The following CSMD1 variants were observed in gnomAD, a reference collection of about 807,000 sequenced individuals.
CSMD1 encodes CUB and sushi domain-containing protein 1.
Under a neutral mutation model 417.5 loss-of-function variants are expected in CSMD1, and 213 were observed. The observed-to-expected ratio is 0.51, with a 90% CI of 0.46 to 0.57. CSMD1 has a LOEUF of 0.57. Among genes scored for constraint, CSMD1 ranks in the 20% least tolerant of loss-of-function variants. The pLI, the probability that CSMD1 is intolerant of heterozygous loss-of-function variation, is 0.00. For missense variants in CSMD1, 6,923 were observed against 4,529.7 expected (o/e 1.53, Z -15.17); for synonymous variants, 2,862 against 1,736.8 (o/e 1.65, Z -16.11).
intron 26 of CSMD1, among the ~76,000 whole-genome samples, chr8:3,262,612 T>C (rs1368232667): frequency 6.6e-6 from 1 of 151,960 alleles, no homozygotes; most frequent in African/African-American, 2.4e-5. Context: ...TGAAAGATTA[T>C]AGTCAGTGGA....
chr8:2,954,553 T>C (rs946424818), intron 64 of CSMD1, among the ~76,000 whole-genome samples: 3 of 152,162 alleles, frequency 2.0e-5, no homozygotes, highest in Non-Finnish European at 2.9e-5. Context: ...GTGCCTTCTA[T>C]GACATTTCTT....
At chr8:4,834,076 ACTCCTAGAGATATT>A (rs1800314721) in intron 1 of CSMD1, among the ~76,000 whole-genome samples, 1 of 152,154 alleles carries the variant, frequency 6.6e-6, no homozygotes, top group East Asian at 1.9e-4. Context: ...TTACTATTGG[ACTCCTAGAGATATT>A]CAAATGAATT....
rs117636369 is a variant in CSMD1, at chr8:4,080,326, G to C, written c.416-48227C>G. 3.9e-3 allele frequency among the ~76,000 whole-genome samples: 601 copies of C among 152,242 alleles called. 14 individuals carry two copies. The East Asian group carries it at 0.06, about 15-fold the overall frequency. On this transcript the variant is annotated intron_variant, in intron 3 of 69. Coordinates refer to ENST00000635120, the MANE Select transcript of CSMD1 (RefSeq NM_033225.6). ...CTAAGAGTAAGGCACGATCTTACCC[G>C]TGAGTACTTCACAAGTGAAAGGTGA...
chr8:3,376,058 G>A (rs1585073702), intron 18 of CSMD1, among the ~76,000 whole-genome samples: 1 of 151,994 alleles, frequency 6.6e-6, no homozygotes, highest in East Asian at 1.9e-4. Flanking sequence ...ACTTCATTGT[G>A]TGATTTTTAA....
intron 1 of CSMD1, among the ~76,000 whole-genome samples, chr8:4,820,453 G>T (rs1336145547): frequency 6.6e-6 from 1 of 152,122 alleles, no homozygotes; most frequent in African/African-American, 2.4e-5. Context: ...TTTCTGCACT[G>T]GTTTTCCTGT....
chr8:4,225,503 CTTTTTTT>C (rs11356680), intron 3 of CSMD1, among the ~76,000 whole-genome samples: 1 of 141,738 alleles, frequency 7.1e-6, no homozygotes, highest in Non-Finnish European at 1.5e-5. Context: ...CAACTCATCA[CTTTTTTT>C]TTTTTTTTTA....
Position 4,298,681 on chromosome 8 carries a change from T to A in CSMD1, c.415+121272A>T, listed in dbSNP as rs1427939556. Among the ~76,000 whole-genome samples, 4 of 152,128 alleles carry A rather than the reference T, an allele frequency of 2.6e-5. No individual in the cohort carries two copies. The South Asian group carries it at 6.2e-4, about 24-fold the overall frequency. On this transcript the variant is annotated intron_variant, in intron 3 of 69. Coordinates refer to ENST00000635120, the MANE Select transcript of CSMD1 (RefSeq NM_033225.6). Reference sequence around the variant, plus strand: ...TTCTAAGAAGTTATTTCATTTTCATTTACATCTTCAGGCTACTCTGATACT... The same window carrying A: ...TTCTAAGAAGTTATTTCATTTTCATATACATCTTCAGGCTACTCTGATACT...
At chr8:4,024,542 G>C (rs566612713) in intron 4 of CSMD1, among the ~76,000 whole-genome samples, 25 of 152,178 alleles carry the variant, frequency 1.6e-4, no homozygotes, top group Admixed American at 3.3e-4. Flanking sequence ...CAGAGGTCAA[G>C]TCAATTTGAG....
At chr8:4,859,214 T>A (rs895482887) in intron 1 of CSMD1, among the ~76,000 whole-genome samples, 3 of 151,848 alleles carry the variant, frequency 2.0e-5, no homozygotes, top group African/African-American at 7.3e-5. Context: ...GCTAGCCATA[T>A]GTAGAAAGCT....
At chr8:3,711,749 C>T (rs948547485) in intron 6 of CSMD1, among the ~76,000 whole-genome samples, 52 of 152,130 alleles carry the variant, frequency 3.4e-4, no homozygotes, top group African/African-American at 1.2e-3. Context: ...AAACGTATCA[C>T]CCCCACTATC....
At chr8:3,313,444 G>A (rs918882844) in intron 23 of CSMD1, among the ~76,000 whole-genome samples, 1 of 152,150 alleles carries the variant, frequency 6.6e-6, no homozygotes, top group Admixed American at 6.5e-5. Context: ...ATCAAAAAGT[G>A]GGTGAAGGAT....
At chr8:4,118,093 A>C (rs181296941) in intron 3 of CSMD1, among the ~76,000 whole-genome samples, 18 of 152,254 alleles carry the variant, frequency 1.2e-4, no homozygotes, top group African/African-American at 4.1e-4. Flanking sequence ...ACAAATTATA[A>C]GGCTTGTGTG....
rs41464151 is a variant in CSMD1 at position 3,071,727 on chromosome 8, A to G, written c.7474+15370T>C. On this transcript the variant is annotated intron_variant, in intron 49 of 69. Transcript: ENST00000635120. ...ACCATTCATCAACACCATTACAGCC[A>G]CTAATTCACCTGACATCAAAACAGC... Among the ~76,000 whole-genome samples, 421 of 152,318 alleles carry G rather than the reference A, an allele frequency of 2.8e-3. 4 individuals carry two copies. The East Asian group carries it at 0.063, about 23-fold the overall frequency.
intron 5 of CSMD1, among the ~76,000 whole-genome samples, chr8:3,984,137 C>T (rs1431612092): frequency 6.6e-6 from 1 of 152,110 alleles, no homozygotes. Flanking sequence ...TCTGATGGGG[C>T]TGTCAATTGC....
intron 12 of CSMD1, 105 bp from the exon 13 acceptor site, chr8:3,409,710 ACAT>A (rs1267170977): frequency 2.8e-5 from 24 of 853,998 alleles, no homozygotes; most frequent in Non-Finnish European, 4.2e-5. Context: ...GCTGAACTAA[ACAT>A]CATTTTTGTA....
intron 2 of CSMD1, among the ~76,000 whole-genome samples, chr8:4,601,289 GGAGTA>G (rs754346662): frequency 6.6e-6 from 1 of 152,146 alleles, no homozygotes; most frequent in Non-Finnish European, 1.5e-5. Flanking sequence ...AATAAGACAG[GGAGTA>G]GAGTGACAGC....
chr8:3,747,997 A>G (rs1797143309), intron 6 of CSMD1, among the ~76,000 whole-genome samples: 2 of 152,082 alleles, frequency 1.3e-5, no homozygotes, highest in Admixed American at 6.5e-5. Flanking sequence ...GGTGGACGTG[A>G]TTATTTCTAT....
intron 50 of CSMD1, among the ~76,000 whole-genome samples, chr8:3,031,941 G>A (rs1019409177): frequency 6.8e-6 from 1 of 148,146 alleles, no homozygotes; most frequent in African/African-American, 2.5e-5. Flanking sequence ...TATAGTGACT[G>A]ACAAATTAGA....
At chr8:3,990,798 G>C (rs540812155) in intron 5 of CSMD1, among the ~76,000 whole-genome samples, 5 of 152,028 alleles carry the variant, frequency 3.3e-5, no homozygotes, top group Non-Finnish European at 7.4e-5. Context: ...GAGAGGGGAG[G>C]GCAGGAAATA....
Sources: gnomAD v4.1 joint callset for allele counts (sites outside exome capture counted in the v4.1 genomes callset) on GRCh38, gnomAD v4.1.1 for gene constraint, MANE v1.5 for transcripts, NCBI Gene and HGNC (gene_info 2026-07-23, HGNC 2026-07-21) for gene names.